The following SLCO4C1 variants were observed in gnomAD, a reference collection of about 807,000 sequenced individuals.
The protein encoded by SLCO4C1 is solute carrier organic anion transporter family member 4C1, also known as organic anion transporter M1.
Under a neutral mutation model 72.1 loss-of-function variants are expected in SLCO4C1, and 58 were observed. The ratio of observed to expected loss-of-function variants is 0.80; its 90% CI spans 0.65 to 1.00. The LOEUF (loss-of-function observed/expected upper bound fraction) is 1.00, where lower values mean the gene tolerates loss of function less well. Ranked by LOEUF, SLCO4C1 falls within the 50% of genes least tolerant of loss-of-function variation. The pLI is 0.00. For missense variants in SLCO4C1, 898 were observed against 857.9 expected, an observed-to-expected ratio of 1.05 and a Z score of -0.58; for synonymous variants, 297 against 312.5, an observed-to-expected ratio of 0.95 and a Z score of 0.52.
At chr5:102,278,929 C>T (rs1749304011) in intron 2 of SLCO4C1, among the ~76,000 whole-genome samples, 1 of 148,280 alleles carries the variant, frequency 6.7e-6, no homozygotes, top group African/African-American at 2.5e-5. Context: ...TCCATGTCAC[C>T]CACCTAGAGA....
At chr5:102,244,761 C>A (rs939729408) in intron 10 of SLCO4C1, among the ~76,000 whole-genome samples, 4 of 152,096 alleles carry the variant, frequency 2.6e-5, no homozygotes, top group Non-Finnish European at 4.4e-5. Flanking sequence ...GCTGAAGGAA[C>A]AAAACTCTTA....
chr5:102,275,321 A>C (rs1301672111), intron 2 of SLCO4C1, among the ~76,000 whole-genome samples: 1 of 152,160 alleles, frequency 6.6e-6, no homozygotes, highest in African/African-American at 2.4e-5. Context: ...ATTCATGATA[A>C]AAAAGAAGAA....
At chr5:102,294,309 G>A (rs1749608280) in intron 1 of SLCO4C1, among the ~76,000 whole-genome samples, 1 of 152,098 alleles carries the variant, frequency 6.6e-6, no homozygotes, top group Admixed American at 6.5e-5. Context: ...GCCTCCCAAA[G>A]TGCTGGGATT....
At chr5:102,238,167 T>G (rs112470809) in intron 12 of SLCO4C1, among the ~76,000 whole-genome samples, 2,356 of 152,258 alleles carry the variant, frequency 0.015, 55 homozygotes, top group African/African-American at 0.054. Flanking sequence ...TTCTGAAAAT[T>G]TTAAGGTTTT....
chr5:102,293,039 TTTGA>T (rs1473155863), intron 1 of SLCO4C1, among the ~76,000 whole-genome samples: 1 of 152,048 alleles, frequency 6.6e-6, no homozygotes, highest in Non-Finnish European at 1.5e-5. Context: ...CTCTTTAAAT[TTTGA>T]TTAAGACCGT....
intron 2 of SLCO4C1, among the ~76,000 whole-genome samples, chr5:102,277,278 T>A (rs978424769): frequency 6.6e-6 from 1 of 151,386 alleles, no homozygotes; most frequent in South Asian, 2.1e-4. Flanking sequence ...AGGTGCCCCA[T>A]CCCCCTTCCA....
intron 2 of SLCO4C1, among the ~76,000 whole-genome samples, chr5:102,286,319 C>G (rs76143231): frequency 2.0e-5 from 3 of 152,002 alleles, no homozygotes; most frequent in African/African-American, 7.2e-5. Flanking sequence ...TACTTTTCTA[C>G]AATTCCTCAG....
rs1370626298 is a variant in SLCO4C1, at chr5:102,257,164, C to T, written c.1420G>A (p.Ala474Thr). ...ALTLSFVFMY[A>T]KCENEPFAGV... Reference sequence around the variant, plus strand: ...GCAAATGGCTCATTTTCACATTTGGCATACATAAATACAAAACTCAGCGTA... The same window carrying T: ...GCAAATGGCTCATTTTCACATTTGGTATACATAAATACAAAACTCAGCGTA... Residue 474 changes from alanine to threonine, a missense_variant, in exon 8 of 13, where the codon GCC (alanine) becomes ACC (threonine). Coordinates refer to ENST00000310954, the MANE Select transcript of SLCO4C1 (RefSeq NM_180991.5). The T allele has an allele frequency of 1.2e-6, 2 of 1,601,334 alleles. No homozygotes were observed. Among genetic ancestry groups the T allele is most frequent in the Non-Finnish European group, 1.7e-6 (2 of 1,174,928 alleles).
chr5:102,290,226 CT>C (rs950255555), intron 2 of SLCO4C1, among the ~76,000 whole-genome samples: 1 of 152,104 alleles, frequency 6.6e-6, no homozygotes, highest in Admixed American at 6.6e-5. Context: ...GGGCCAGAAT[CT>C]TTTTTTGTTT....
intron 2 of SLCO4C1, among the ~76,000 whole-genome samples, chr5:102,286,697 C>T (rs747442722): frequency 3.9e-5 from 6 of 152,072 alleles, no homozygotes; most frequent in Non-Finnish European, 8.8e-5. Context: ...CTTTGATCAT[C>T]TCCATTCAAA....
intron 5 of SLCO4C1, among the ~76,000 whole-genome samples, chr5:102,261,453 A>G (rs905553100): frequency 6.7e-6 from 1 of 148,840 alleles, no homozygotes; most frequent in African/African-American, 2.5e-5. Context: ...TTTAATATTC[A>G]CATACAGTAA....
At chr5:102,288,595 A>G (rs557246581) in intron 2 of SLCO4C1, among the ~76,000 whole-genome samples, 1 of 152,116 alleles carries the variant, frequency 6.6e-6, no homozygotes, top group African/African-American at 2.4e-5. Flanking sequence ...ACAACTTTGC[A>G]TTGCATTTCA....
At chr5:102,286,794 A>G (rs553550144) in intron 2 of SLCO4C1, among the ~76,000 whole-genome samples, 2 of 152,290 alleles carry the variant, frequency 1.3e-5, no homozygotes, top group Admixed American at 6.5e-5. Context: ...TATTGTTTAC[A>G]ACACAATAGA....
chr5:102,283,192 CA>C (rs754318651), intron 2 of SLCO4C1, among the ~76,000 whole-genome samples: 74 of 135,424 alleles, frequency 5.5e-4, no homozygotes, highest in South Asian at 4.7e-4. Flanking sequence ...GTGACATCCA[CA>C]AAAAAAAAAA....
At chr5:102,273,618 A>G (rs1749192816) in intron 2 of SLCO4C1, among the ~76,000 whole-genome samples, 1 of 152,196 alleles carries the variant, frequency 6.6e-6, no homozygotes, top group Non-Finnish European at 1.5e-5. Flanking sequence ...ATTCAAATAT[A>G]AAGACAAAGA....
intron 1 of SLCO4C1, among the ~76,000 whole-genome samples, chr5:102,293,730 C>T (rs1561384180): frequency 3.4e-5 from 5 of 147,542 alleles, no homozygotes; most frequent in African/African-American, 1.2e-4. Flanking sequence ...TTGGGTCACA[C>T]TTTTTATTAT....
intron 3 of SLCO4C1, among the ~76,000 whole-genome samples, chr5:102,268,556 C>T: frequency 6.6e-6 from 1 of 152,024 alleles, no homozygotes; most frequent in East Asian, 1.9e-4. Flanking sequence ...TCCATTCAGC[C>T]TATCTATATT....
chr5:102,275,319 T>C (rs879799857), intron 2 of SLCO4C1, among the ~76,000 whole-genome samples: 10 of 151,982 alleles, frequency 6.6e-5, no homozygotes, highest in Admixed American at 1.3e-4. Context: ...AAATTCATGA[T>C]AAAAAAGAAG....
intron 1 of SLCO4C1, 54 bp from the exon 2 acceptor site, chr5:102,291,660 A>G (rs1335217272): frequency 1.5e-5 from 22 of 1,437,310 alleles, no homozygotes; most frequent in Admixed American, 2.2e-5. Flanking sequence ...TACGATTAAG[A>G]TTATTAACAC....
Sources: gnomAD v4.1 joint callset for allele counts (sites outside exome capture counted in the v4.1 genomes callset) on GRCh38, gnomAD v4.1.1 for gene constraint, MANE v1.5 for transcripts, NCBI Gene and HGNC (gene_info 2026-07-23, HGNC 2026-07-21) for gene names.